Variants in FLNB observed in about 807,000 individuals in gnomAD.
FLNB encodes filamin B.
Under a neutral mutation model 250.6 loss-of-function variants are expected in FLNB, and 111 were observed. The ratio of observed to expected loss-of-function variants is 0.44; its 90% CI spans 0.38 to 0.52. FLNB has a LOEUF of 0.52. Ranked by LOEUF, FLNB falls within the 20% of genes least tolerant of loss-of-function variation. FLNB has a pLI of 0.00. For synonymous variants in FLNB, 1,302 were observed against 1,372.1 expected (o/e 0.95, Z 1.13); for missense variants, 2,869 against 3,447.8 (o/e 0.83, Z 4.20).
rs539898457 is a variant in FLNB, at chr3:58,151,982, C to T, written c.6368-1393C>T. ...CATTCAGTGTTCAGTTTCATATCTT[C>T]GATTACTAGTGATATGTGTACTGTG... On this transcript the variant is annotated intron_variant, in intron 38 of 45. Coordinates refer to ENST00000295956, the MANE Select transcript of FLNB (RefSeq NM_001457.4). Among the ~76,000 whole-genome samples the T allele has an allele frequency of 2.0e-3, 307 of 152,314 alleles. 2 individuals are homozygous for T. Among genetic ancestry groups the T allele is most frequent in the African/African-American group, 7.0e-3 (290 of 41,580 alleles).
At chr3:58,011,575 C>A (rs2097099022) in intron 1 of FLNB, among the ~76,000 whole-genome samples, 1 of 152,326 alleles carries the variant, frequency 6.6e-6, no homozygotes, top group Non-Finnish European at 1.5e-5. Flanking sequence ...CTTCCCTAAG[C>A]TCTTGAGGCT....
chr3:58,117,868 C>T (rs2097281505), intron 18 of FLNB, among the ~76,000 whole-genome samples: 1 of 151,818 alleles, frequency 6.6e-6, no homozygotes, highest in Admixed American at 6.6e-5. Flanking sequence ...AGGCCAAATG[C>T]TACACCCTTT....
intron 18 of FLNB, among the ~76,000 whole-genome samples, chr3:58,114,155 A>G (rs889702211): frequency 6.6e-6 from 1 of 151,778 alleles, no homozygotes; most frequent in African/African-American, 2.4e-5. Context: ...CTGTTCCTCA[A>G]GCTGGAGTGG....
At chr3:58,147,903 G>A (rs999199648) in intron 34 of FLNB, among the ~76,000 whole-genome samples, 5 of 152,104 alleles carry the variant, frequency 3.3e-5, no homozygotes, top group Non-Finnish European at 7.4e-5. Flanking sequence ...CAAGTGATTC[G>A]TCTGCCTCAG....
At position 58,142,813 on chromosome 3, in the gene FLNB, G is replaced by C. The variant is rs181673117; in HGVS notation, c.5284+61G>C. 4.9e-6 allele frequency: 7 copies of C among 1,429,418 alleles called. No homozygotes were observed. Among genetic ancestry groups the C allele is most frequent in the Non-Finnish European group, 6.9e-6 (7 of 1,015,096 alleles). The allele number at this position is 1,429,418 out of a possible 1,614,324, so 88.5% of individuals were successfully genotyped here. On this transcript the variant is annotated intron_variant, in intron 31 of 45. Transcript: ENST00000295956. This position sits in a 1 kb window ranked among gnomAD's most constrained non-coding sequence, Gnocchi z 4.3. ...TTGCTCTCACGAGCTTCCCAGAATGGTGCTGGGGAGGTGTGTCCACTGTCC... is the reference window on the plus strand; with the variant it reads ...TTGCTCTCACGAGCTTCCCAGAATGCTGCTGGGGAGGTGTGTCCACTGTCC...
intron 1 of FLNB, among the ~76,000 whole-genome samples, chr3:58,074,380 T>C (rs2097198798): frequency 1.3e-5 from 2 of 152,196 alleles, no homozygotes; most frequent in African/African-American, 4.8e-5. Context: ...TTGATGTATC[T>C]TCTGGTAATA....
At chr3:58,108,420 T>C in intron 12 of FLNB, 38 bp from the exon 13 acceptor site, 3 of 1,349,594 alleles carry the variant, frequency 2.2e-6, no homozygotes, top group Non-Finnish European at 3.2e-6. Flanking sequence ...AGTTGGGGCA[T>C]TACACAGAAA....
chr3:58,016,757 T>C (rs907164399), intron 1 of FLNB, among the ~76,000 whole-genome samples: 2 of 152,042 alleles, frequency 1.3e-5, no homozygotes, highest in Non-Finnish European at 2.9e-5. Flanking sequence ...GTATTCTAAA[T>C]TAAGGAGCTG....
intron 16 of FLNB, 39 bp downstream of exon 16, chr3:58,110,209 C>A: frequency 6.2e-7 from 1 of 1,608,040 alleles, no homozygotes; most frequent in Non-Finnish European, 8.5e-7. Context: ...GTGGAGTAGG[C>A]CTGGATTCTC....
intron 1 of FLNB, among the ~76,000 whole-genome samples, chr3:58,049,274 TG>T (rs2097158651): frequency 1.3e-5 from 2 of 152,216 alleles, no homozygotes. Context: ...GGCCACCATT[TG>T]TGTTTGCTGC....
rs752116817 is a variant in FLNB, at chr3:58,169,951, T to C, written c.7621+158T>C. ...CGTCATGACCCTGTTCTCCTGCACTTAATATTTTTAAATGATTTCCTTCTC... is the reference window on the plus strand; with the variant it reads ...CGTCATGACCCTGTTCTCCTGCACTCAATATTTTTAAATGATTTCCTTCTC... On this transcript the variant is annotated intron_variant, in intron 45 of 45. Coordinates refer to ENST00000295956, the MANE Select transcript of FLNB (RefSeq NM_001457.4). The surrounding 1 kb of genome is among the most constrained non-coding windows in gnomAD (Gnocchi z 4.8). 3.9e-5 allele frequency among the ~76,000 whole-genome samples: 6 copies of C among 152,192 alleles called. No homozygotes were observed. The highest frequency in any genetic ancestry group is 1.5e-5 in the Non-Finnish European group (1 of 68,034).
intron 34 of FLNB, 144 bp downstream of exon 34, chr3:58,147,137 A>G: frequency 1.3e-6 from 1 of 766,878 alleles, no homozygotes; most frequent in Non-Finnish European, 2.1e-6. Context: ...GGAGCAGGGG[A>G]TGGAATGCAA....
chr3:58,154,987 AG>A (rs2097351124), intron 40 of FLNB, 59 bp downstream of exon 40: 1 of 1,558,118 alleles, frequency 6.4e-7, no homozygotes, highest in Non-Finnish European at 8.8e-7. Context: ...TTAGGTTGCA[AG>A]GAACAGAAAT....
At position 58,169,410 on chromosome 3, in the gene FLNB, G is replaced by C. The variant is rs1368103726; in HGVS notation, c.7418-180G>C. The C allele has an allele frequency of 1.5e-6, 1 of 645,566 alleles. No homozygotes were observed. The highest frequency in any genetic ancestry group is 1.8e-5 in the African/African-American group (1 of 55,872). The allele number at this position is 645,566 out of a possible 1,614,324, so 40.0% of individuals were successfully genotyped here. A position where few individuals can be genotyped will look rare whatever the true frequency, so the allele number is the denominator to read the frequency against. Reference sequence around the variant, plus strand: ...CAGAAAGCCAGATCCTAGTTGTATGGGGGTGGGATCCTAGGGGTTTAGAAG... The same window carrying C: ...CAGAAAGCCAGATCCTAGTTGTATGCGGGTGGGATCCTAGGGGTTTAGAAG... On this transcript the variant is annotated intron_variant, in intron 44 of 45. Coordinates refer to ENST00000295956, the MANE Select transcript of FLNB (RefSeq NM_001457.4). This position sits in a 1 kb window ranked among gnomAD's most constrained non-coding sequence, Gnocchi z 4.8.
intron 1 of FLNB, among the ~76,000 whole-genome samples, chr3:58,046,996 GA>G (rs1165517346): frequency 1.3e-5 from 2 of 152,276 alleles, no homozygotes; most frequent in East Asian, 3.9e-4. Context: ...GAATGTGTAG[GA>G]TTTGAATTTT....
intron 41 of FLNB, 26 bp downstream of exon 41, chr3:58,156,101 C>T: frequency 6.3e-7 from 1 of 1,576,806 alleles, no homozygotes; most frequent in Middle Eastern, 1.7e-4. Context: ...GCATCCATCT[C>T]CTTGGCCGCA....
chr3:58,110,713 T>C (rs2097267116), intron 16 of FLNB, among the ~76,000 whole-genome samples: 1 of 152,222 alleles, frequency 6.6e-6, no homozygotes. Context: ...CCCAAAGTGC[T>C]GGGATTCTAG....
chr3:58,040,515 A>T (rs1264617757), intron 1 of FLNB, among the ~76,000 whole-genome samples: 1 of 152,024 alleles, frequency 6.6e-6, no homozygotes, highest in Non-Finnish European at 1.5e-5. Context: ...TGTTGTTGAG[A>T]TGGAATCCTG....
rs1284770612 is a variant in FLNB, at chr3:58,141,879, G to A, written c.5131G>A (p.Ala1711Thr). The A allele has an allele frequency of 1.2e-6, 2 of 1,614,190 alleles. No individual in the cohort carries two copies. The highest frequency in any genetic ancestry group is 8.5e-7 in the Non-Finnish European group (1 of 1,180,020). Residue 1711 changes from alanine to threonine, a missense_variant, in exon 30 of 46, where the codon GCC becomes ACC. Around this residue, in one of 5 missense-constraint regions of FLNB, gnomAD observed 1,084 missense variants for 1,315.5 expected, o/e 0.82. Transcript: ENST00000295956. ...TVMATDGEVT[A>T]VEEAPVNACP... ...CCAGGCCACAGATGGGGAAGTCACA[G>A]CCGTGGAGGAGGCACCGGTAAATGC...
Sources: gnomAD v4.1 joint callset for allele counts (sites outside exome capture counted in the v4.1 genomes callset) on GRCh38, gnomAD v4.1.1 for gene constraint, gnomAD v4.1.1 regional missense constraint, Gnocchi (gnomAD v3.1) non-coding constraint, MANE v1.5 for transcripts, NCBI Gene and HGNC (gene_info 2026-07-23, HGNC 2026-07-21) for gene names.